The following RBL1 variants were observed in gnomAD, a reference collection of about 807,000 sequenced individuals.
RBL1 encodes the protein RB transcriptional corepressor like 1, also known as retinoblastoma-like protein 1.
Under a neutral mutation model 123.0 loss-of-function variants are expected in RBL1, and 82 were observed. The observed-to-expected ratio is 0.67, with a 90% confidence interval of 0.56 to 0.80. The LOEUF is 0.80. RBL1 is among the 30% of genes least tolerant of loss of function. RBL1 has a pLI of 0.00. For missense variants in RBL1, 1,171 were observed against 1,299.6 expected, an observed-to-expected ratio of 0.90 and a Z score of 1.52; for synonymous variants, 405 against 441.3, an observed-to-expected ratio of 0.92 and a Z score of 1.03.
chr20:37,075,045 ACTG>A (rs1168078999), intron 2 of RBL1, among the ~76,000 whole-genome samples: 1 of 152,232 alleles, frequency 6.6e-6, no homozygotes, highest in Non-Finnish European at 1.5e-5. Flanking sequence ...CATAAAAAGA[ACTG>A]CTGATACATG....
intron 11 of RBL1, among the ~76,000 whole-genome samples, chr20:37,048,598 G>A (rs2064852841): frequency 6.6e-6 from 1 of 152,086 alleles, no homozygotes. Flanking sequence ...ATCACCTGAG[G>A]TCAATGGATT....
intron 8 of RBL1, among the ~76,000 whole-genome samples, chr20:37,061,780 G>A (rs963049717): frequency 1.3e-5 from 2 of 152,118 alleles, no homozygotes; most frequent in Non-Finnish European, 2.9e-5. Context: ...GCAACGTAAC[G>A]GAGCCTAAGT....
In RBL1 at chr20:37,012,925, GC is replaced by G. The variant is rs1204334159; in HGVS notation, c.2722+5353del. On this transcript the variant is annotated intron_variant, in intron 19 of 21. Transcript: ENST00000373664. ...GTCCGGGAGGGAGGTGGGGGGTTCA[GC>G]CCCCCCGCCAGCCAGCCGCCCCGTC... is the stretch of plus-strand genomic sequence containing the variant. Among the ~76,000 whole-genome samples the G allele has an allele frequency of 5.5e-5, 8 of 145,900 alleles. No individual in the cohort carries two copies. In the South Asian group the frequency reaches 1.1e-3, roughly 20 times the overall value.
chr20:37,004,714 CAAAAAA>C (rs11361452), intron 20 of RBL1, among the ~76,000 whole-genome samples: 1 of 72,518 alleles, frequency 1.4e-5, no homozygotes, highest in African/African-American at 6.5e-5. Flanking sequence ...GACTCTGCCT[CAAAAAA>C]AAAAAAAAAA....
At chr20:37,046,462 A>G (rs923855474) in intron 12 of RBL1, among the ~76,000 whole-genome samples, 1 of 151,748 alleles carries the variant, frequency 6.6e-6, no homozygotes, top group African/African-American at 2.4e-5. Flanking sequence ...GTGGTGGCAT[A>G]ATCATACCTC....
At chr20:37,007,114 G>T (rs113246433) in intron 20 of RBL1, among the ~76,000 whole-genome samples, 1,878 of 152,068 alleles carry the variant, frequency 0.012, 44 homozygotes, top group African/African-American at 0.043. Flanking sequence ...CTAGGCGTGG[G>T]GGCATGTGGC....
chr20:37,044,945 A>C (rs1217771600), intron 12 of RBL1, among the ~76,000 whole-genome samples: 1 of 152,154 alleles, frequency 6.6e-6, no homozygotes, highest in Admixed American at 6.5e-5. Flanking sequence ...TGAACTATTT[A>C]AAGTGACTTT....
intron 19 of RBL1, among the ~76,000 whole-genome samples, chr20:37,011,298 C>CTGTCAT (rs1436384910): frequency 1.3e-5 from 2 of 152,140 alleles, no homozygotes; most frequent in Non-Finnish European, 2.9e-5. Context: ...GCTAACATGA[C>CTGTCAT]ATTGAAGAAT....
intron 6 of RBL1, among the ~76,000 whole-genome samples, chr20:37,065,815 T>C (rs1158734763): frequency 2.6e-5 from 4 of 152,152 alleles, no homozygotes; most frequent in Non-Finnish European, 5.9e-5. Flanking sequence ...GGTTTTGCCA[T>C]GTTGCTCAGG....
chr20:37,021,562 A>G (rs1028123142), intron 17 of RBL1, among the ~76,000 whole-genome samples: 4 of 151,332 alleles, frequency 2.6e-5, no homozygotes, highest in Non-Finnish European at 4.4e-5. Context: ...CTCCTGCCTC[A>G]GCCTCCCGAG....
In RBL1 at chr20:37,039,805, C is replaced by G. The variant is rs1250990395; in HGVS notation, c.1903+348G>C. 2.0e-5 allele frequency among the ~76,000 whole-genome samples: 3 copies of G among 152,010 alleles called. No individual in the cohort carries two copies. The East Asian group carries it at 5.8e-4, about 29-fold the overall frequency. Reference sequence around the variant, plus strand: ...CGCCCAGGCTGGGTTCAAACACAATCCTCAATACTCCTGCCTCAGCCTTCT... The same window carrying G: ...CGCCCAGGCTGGGTTCAAACACAATGCTCAATACTCCTGCCTCAGCCTTCT... On this transcript the variant is annotated intron_variant, in intron 14 of 21. Transcript: ENST00000373664.
intron 9 of RBL1, among the ~76,000 whole-genome samples, chr20:37,060,516 C>T (rs561497918): frequency 1.3e-5 from 2 of 151,722 alleles, no homozygotes; most frequent in Non-Finnish European, 2.9e-5. Context: ...CTGGCATGGT[C>T]GCTCATGCCT....
rs965408801 is a variant in RBL1, at chr20:37,002,336, G to GTTTTTTT, written c.3036+1359_3036+1365dup. On this transcript the variant is annotated intron_variant, in intron 21 of 21. Coordinates refer to ENST00000373664, the MANE Select transcript of RBL1 (RefSeq NM_002895.5). ...TGAGCCACCGTGCCTAGCCTTATCTGTTTTTTTTTTTTTTTTTTTTTTTTG... is the reference window on the plus strand; with the variant it reads ...TGAGCCACCGTGCCTAGCCTTATCTGTTTTTTTTTTTTTTTTTTTTTTTTTTTTTTTG... Among the ~76,000 whole-genome samples the GTTTTTTT allele has an allele frequency of 5.9e-4, 45 of 76,348 alleles. 7 individuals carry two copies. In the East Asian group the frequency reaches 0.015, roughly 26 times the overall value. 50.1% of individuals were successfully genotyped at this position (76,348 alleles called of 152,430 possible). A position where few individuals can be genotyped will look rare whatever the true frequency, so the allele number is the denominator to read the frequency against.
At chr20:37,030,631 G>T (rs886577271) in intron 16 of RBL1, among the ~76,000 whole-genome samples, 1 of 152,060 alleles carries the variant, frequency 6.6e-6, no homozygotes, top group Non-Finnish European at 1.5e-5. Flanking sequence ...AAGGTGGGTG[G>T]ATCACCTGAG....
chr20:37,044,033 G>GTTTTTT (rs200990142), intron 13 of RBL1, 53 bp downstream of exon 13: 13 of 912,908 alleles, frequency 1.4e-5, no homozygotes, highest in East Asian at 3.1e-5. Context: ...AATAAAGCTG[G>GTTTTTT]TTTTTTTTTT....
intron 14 of RBL1, among the ~76,000 whole-genome samples, chr20:37,037,288 C>G (rs1568845729): frequency 6.6e-6 from 1 of 152,160 alleles, no homozygotes; most frequent in Non-Finnish European, 1.5e-5. Context: ...TAGCACAGTA[C>G]TGGAACAGCT....
intron 2 of RBL1, among the ~76,000 whole-genome samples, chr20:37,079,218 A>AAC (rs1364306492): frequency 2.6e-5 from 4 of 151,776 alleles, no homozygotes; most frequent in Non-Finnish European, 5.9e-5. Context: ...AAAAAAAAAA[A>AAC]AAACCCTCAA....
chr20:37,068,850 CCCACGGTCTCCCTCTCCCTCTCTTT>C (rs1416912335), intron 2 of RBL1, among the ~76,000 whole-genome samples: 334 of 152,286 alleles, frequency 2.2e-3, no homozygotes, highest in African/African-American at 7.7e-3. Context: ...TCTCCCTCTC[CCCACGGTCTCCCTCTCCCTCTCTTT>C]CCACGGTCTC....
In RBL1 at chr20:37,032,887, A is replaced by T; in HGVS notation, c.2171-11T>A. 6.2e-7 allele frequency: 1 copy of T among 1,613,454 alleles called. No homozygotes were observed. Among genetic ancestry groups the T allele is most frequent in the Non-Finnish European group, 8.5e-7 (1 of 1,179,784 alleles). On this transcript the variant is annotated splice_polypyrimidine_tract_variant and intron_variant, in intron 15 of 21. Transcript: ENST00000373664. ...CATCATTTGCGACACCTGAATGTAT[A>T]AGCATTATTAGAAATAATCTGCATA... is the stretch of plus-strand genomic sequence containing the variant.
Sources: gnomAD v4.1 joint callset for allele counts (sites outside exome capture counted in the v4.1 genomes callset) on GRCh38, gnomAD v4.1.1 for gene constraint, MANE v1.5 for transcripts, NCBI Gene and HGNC (gene_info 2026-07-23, HGNC 2026-07-21) for gene names.